Variants in NEB observed in about 807,000 individuals in gnomAD.
NEB encodes the protein nebulin, also known as nemaline myopathy type 2.
Under a neutral mutation model 952.2 loss-of-function variants are expected in NEB, and 512 were observed. The ratio of observed to expected loss-of-function variants is 0.54; its 90% CI spans 0.50 to 0.58. The LOEUF (loss-of-function observed/expected upper bound fraction) is 0.58, where lower values mean the gene tolerates loss of function less well. Among genes scored for constraint, NEB ranks in the 20% least tolerant of loss-of-function variants. NEB has a pLI of 0.00. For missense variants in NEB, 8,428 were observed against 9,231.1 expected, an observed-to-expected ratio of 0.91 and a Z score of 3.56; for synonymous variants, 2,900 against 3,149.8, an observed-to-expected ratio of 0.92 and a Z score of 2.66.
chr2:151,721,541 C>T (rs1368248055), intron 9 of NEB, among the ~76,000 whole-genome samples: 1 of 152,184 alleles, frequency 6.6e-6, no homozygotes, highest in Non-Finnish European at 1.5e-5. Context: ...ATTACTCACA[C>T]GTGTTCTGTC....
rs1372803594 is a variant in NEB at position 151,619,666 on chromosome 2, C to T, written c.10657G>A (p.Ala3553Thr). The T allele has an allele frequency of 6.2e-7, 1 of 1,613,854 alleles. No homozygotes were observed. Among genetic ancestry groups the T allele is most frequent in the Non-Finnish European group, 8.5e-7 (1 of 1,179,876 alleles). Residue 3553 changes from alanine to threonine, a missense_variant, in exon 73 of 182, where the codon GCC becomes ACC. Ala to Thr is a moderately conservative substitution (Grantham distance 58). Around this residue, in one of 11 missense-constraint regions of NEB, gnomAD observed 1,772 missense variants for 1,960.3 expected, o/e 0.90. Coordinates refer to ENST00000397345, the MANE Select transcript of NEB (RefSeq NM_001164508.2). Reference protein sequence around the residue: ...DPKIMWSLHIAKVQSDREYKK... With the variant: ...DPKIMWSLHITKVQSDREYKK... ...TACTCACGGTCACTCTGCACTTTGGCAATGTGGAGGGACCACATTATCTTG... is the reference window on the plus strand; with the variant it reads ...TACTCACGGTCACTCTGCACTTTGGTAATGTGGAGGGACCACATTATCTTG...
intron 117 of NEB, 120 bp from the exon 118 acceptor site, chr2:151,564,050 C>G: frequency 1.4e-6 from 1 of 714,346 alleles, no homozygotes; most frequent in Non-Finnish European, 2.4e-6. Flanking sequence ...AAATCTTTAT[C>G]TATAGCCATT....
chr2:151,627,372 CA>C, intron 69 of NEB, 150 bp downstream of exon 69: 9 of 1,403,226 alleles, frequency 6.4e-6, no homozygotes, highest in Non-Finnish European at 7.7e-6. Context: ...TCTTTCTCTC[CA>C]AAAAAAGTAA....
chr2:151,680,797 T>G lies in NEB; in HGVS notation c.2975A>C (p.Lys992Thr). ...KKYRQHPDTL[K>T]FTSIEDAPIT... ...TGGAGCATCTTCAATCGAGGTAAACTTGAGGGTGTCTGGATGTTGGCGATA... is the reference window on the plus strand; with the variant it reads ...TGGAGCATCTTCAATCGAGGTAAACGTGAGGGTGTCTGGATGTTGGCGATA... Residue 992 changes from lysine (K) to threonine (T), a missense_variant, in exon 30 of 182, where the codon AAG becomes ACG. This residue lies in a region of NEB where 2,851 missense variants were observed against 2,791.5 expected (regional missense o/e 1.02). Coordinates refer to ENST00000397345, the MANE Select transcript of NEB (RefSeq NM_001164508.2). 3.7e-6 allele frequency: 6 copies of G among 1,613,438 alleles called. No individual in the cohort carries two copies. Among genetic ancestry groups the G allele is most frequent in the Non-Finnish European group, 5.1e-6 (6 of 1,179,472 alleles).
chr2:151,611,607 G>C (rs1450203064), intron 78 of NEB, among the ~76,000 whole-genome samples: 1 of 152,110 alleles, frequency 6.6e-6, no homozygotes, highest in East Asian at 1.9e-4. Flanking sequence ...GCATATTAAG[G>C]GCTGACTCAT....
chr2:151,677,052 C>T (rs1442661884), intron 34 of NEB, among the ~76,000 whole-genome samples: 1 of 152,198 alleles, frequency 6.6e-6, no homozygotes, highest in African/African-American at 2.4e-5. Context: ...AAACGATACA[C>T]ACCTCAATCA....
At chr2:151,620,695 A>C (rs972351096) in intron 72 of NEB, among the ~76,000 whole-genome samples, 11 of 152,088 alleles carry the variant, frequency 7.2e-5, no homozygotes, top group African/African-American at 2.7e-4. Context: ...ACTCACTCCT[A>C]TTGAGCAAAG....
chr2:151,516,413 G>A (rs1171306845), intron 157 of NEB, 46 bp downstream of exon 157: 2 of 1,321,274 alleles, frequency 1.5e-6, no homozygotes, highest in Non-Finnish European at 2.2e-6. Flanking sequence ...CTTGTGTTCA[G>A]TAGTGTGATG....
Position 151,516,476 on chromosome 2 carries a change from G to T in NEB, c.22888C>A (p.Gln7630Lys). 1 of 1,612,068 alleles carries T rather than the reference G, an allele frequency of 6.2e-7. No homozygotes were observed. The highest frequency in any genetic ancestry group is 8.5e-7 in the Non-Finnish European group (1 of 1,178,376). Residue 7630 changes from glutamine (Q) to lysine (K), a missense_variant, in exon 157 of 182, where the codon CAG becomes AAG. Physicochemically the swap from Gln to Lys is moderately conservative, Grantham distance 53 (BLOSUM62 1). This residue lies in a region of NEB where 3,374 missense variants were observed against 3,651.5 expected (regional missense o/e 0.92). Coordinates refer to ENST00000397345, the MANE Select transcript of NEB (RefSeq NM_001164508.2). Reference sequence around the variant, plus strand: ...TGACTTACCCCACTCTGCATCTGCTGAGACTCTTTGGCAGTGATGTACGTT... The same window carrying T: ...TGACTTACCCCACTCTGCATCTGCTTAGACTCTTTGGCAGTGATGTACGTT... ...TPTYITAKES[Q>K]QMQSGKEYRK...
At chr2:151,519,858 T>C (rs1167559153) in intron 153 of NEB, 90 bp from the exon 154 acceptor site, 2 of 821,828 alleles carry the variant, frequency 2.4e-6, no homozygotes, top group Non-Finnish European at 4.2e-6. Flanking sequence ...CCAAAGAATA[T>C]GCATTGTACA....
rs184287699 is a variant in NEB, at chr2:151,492,548, A to G, written c.24766-54T>C. On this transcript the variant is annotated intron_variant, in intron 176 of 181. Coordinates refer to ENST00000397345, the MANE Select transcript of NEB (RefSeq NM_001164508.2). ...GTGCTGTCCTAAATCTGAAACCTCA[A>G]AGCCTTTCCAGCAGATAGAGATGGA... 57 of 1,335,386 alleles carry G rather than the reference A, an allele frequency of 4.3e-5. No individual in the cohort carries two copies. The African/African-American group carries it at 6.7e-4, about 16-fold the overall frequency. The allele number at this position is 1,335,386 out of a possible 1,614,324, so 82.7% of individuals were successfully genotyped here.
intron 48 of NEB, among the ~76,000 whole-genome samples, chr2:151,657,110 C>A (rs144125469): frequency 9.4e-4 from 143 of 152,210 alleles, no homozygotes; most frequent in African/African-American, 3.3e-3. Context: ...TGCCTGTCTC[C>A]TTTTGGGGTT....
At chr2:151,708,910 C>T (rs1281273201) in intron 12 of NEB, among the ~76,000 whole-genome samples, 2 of 152,224 alleles carry the variant, frequency 1.3e-5, no homozygotes, top group Admixed American at 1.3e-4. Flanking sequence ...TTCTTATCAC[C>T]TGCCCTGCTA....
At chr2:151,708,277 C>T (rs894006194) in intron 12 of NEB, among the ~76,000 whole-genome samples, 6 of 152,162 alleles carry the variant, frequency 3.9e-5, no homozygotes, top group Admixed American at 6.5e-5. Flanking sequence ...TCTTTTCTTA[C>T]CAGGAAAATA....
intron 107 of NEB, among the ~76,000 whole-genome samples, chr2:151,572,089 A>C (rs1212804066): frequency 1.3e-5 from 2 of 152,248 alleles, no homozygotes; most frequent in Non-Finnish European, 2.9e-5. Context: ...TGGGAGGCCG[A>C]GGCAGGTGGA....
At chr2:151,725,933 A>G (rs2099789233) in intron 5 of NEB, among the ~76,000 whole-genome samples, 1 of 152,230 alleles carries the variant, frequency 6.6e-6, no homozygotes, top group Non-Finnish European at 1.5e-5. Context: ...AATACAATGC[A>G]AAAATATTCA....
chr2:151,524,829 G>A (rs1422387247), intron 151 of NEB, among the ~76,000 whole-genome samples: 7 of 151,476 alleles, frequency 4.6e-5, no homozygotes, highest in East Asian at 1.9e-4. Context: ...CACCATGCCC[G>A]GCTGATTTTT....
chr2:151,622,555 G>C (rs950598018), intron 71 of NEB, among the ~76,000 whole-genome samples: 9 of 151,874 alleles, frequency 5.9e-5, no homozygotes, highest in Non-Finnish European at 1.0e-4. Flanking sequence ...GCTTTCTCTA[G>C]CTCTCTCTTT....
In NEB at chr2:151,497,593, A is replaced by ATAAG. The variant is rs778375317; in HGVS notation, c.24300+29_24300+32dup. The ATAAG allele has an allele frequency of 2.6e-6, 4 of 1,544,272 alleles. No homozygotes were observed. In the African/African-American group the frequency reaches 5.5e-5, roughly 21 times the overall value. ...TCATGAAAGTTTTCAAAATCATTAA[A>ATAAG]TAAGTAGTTTTTTTCTTTTCTTGCC... On this transcript the variant is annotated intron_variant, in intron 171 of 181. Coordinates refer to ENST00000397345, the MANE Select transcript of NEB (RefSeq NM_001164508.2).
Sources: gnomAD v4.1 joint callset for allele counts (sites outside exome capture counted in the v4.1 genomes callset) on GRCh38, gnomAD v4.1.1 for gene constraint, gnomAD v4.1.1 regional missense constraint, MANE v1.5 for transcripts, NCBI Gene and HGNC (gene_info 2026-07-23, HGNC 2026-07-21) for gene names.